Variants in LHFPL3 observed in about 807,000 individuals in gnomAD.
The protein encoded by LHFPL3 is LHFPL tetraspan subfamily member 3.
In LHFPL3, 5 loss-of-function variants were observed where a neutral mutation model predicts 19.3. The observed-to-expected ratio is 0.26, with a 90% CI of 0.14 to 0.54. The LOEUF (loss-of-function observed/expected upper bound fraction) is 0.54. Among genes scored for constraint, LHFPL3 ranks in the 20% least tolerant of loss-of-function variants. The pLI, the probability that LHFPL3 is intolerant of heterozygous loss-of-function variation, is 0.94. For synonymous variants in LHFPL3, 133 were observed against 126.2 expected (o/e 1.05, Z -0.36); for missense variants, 249 against 307.4 (o/e 0.81, Z 1.42).
chr7:104,681,481 G>A (rs1427376718), intron 1 of LHFPL3, among the ~76,000 whole-genome samples: 3 of 152,088 alleles, frequency 2.0e-5, no homozygotes, highest in Middle Eastern at 3.2e-3. Context: ...AATTAGCCGG[G>A]TGTGGTGGTG....
intron 2 of LHFPL3, among the ~76,000 whole-genome samples, chr7:104,894,133 C>T (rs1792307460): frequency 6.6e-6 from 1 of 152,108 alleles, no homozygotes; most frequent in Non-Finnish European, 1.5e-5. Context: ...CAGAGCCGGA[C>T]CTAATCTGCC....
intron 1 of LHFPL3, among the ~76,000 whole-genome samples, chr7:104,338,098 T>TC (rs1278832365): frequency 1.5e-5 from 2 of 132,590 alleles, no homozygotes; most frequent in Admixed American, 7.5e-5. Context: ...TTTTTCTTTT[T>TC]TTTTTTTTTT....
intron 1 of LHFPL3, among the ~76,000 whole-genome samples, chr7:104,658,990 G>A (rs530990901): frequency 6.6e-6 from 1 of 152,194 alleles, no homozygotes; most frequent in Non-Finnish European, 1.5e-5. Flanking sequence ...CTCAAGATTG[G>A]CATGTGAAGT....
intron 1 of LHFPL3, among the ~76,000 whole-genome samples, chr7:104,482,001 A>T (rs988541268): frequency 2.6e-5 from 4 of 152,046 alleles, no homozygotes; most frequent in African/African-American, 7.2e-5. Context: ...TCTCAGTTAT[A>T]CTTTTCCCTG....
intron 1 of LHFPL3, among the ~76,000 whole-genome samples, chr7:104,523,173 A>G (rs1307835961): frequency 6.6e-6 from 1 of 152,146 alleles, no homozygotes; most frequent in Non-Finnish European, 1.5e-5. Context: ...GTCCTGGTTA[A>G]TAGCATCTTT....
intron 1 of LHFPL3, among the ~76,000 whole-genome samples, chr7:104,598,183 T>A (rs1790899939): frequency 6.6e-6 from 1 of 152,176 alleles, no homozygotes; most frequent in African/African-American, 2.4e-5. Context: ...TGTGCCTTAA[T>A]TGAAAGGGAC....
chr7:104,336,538 G>A (rs1789813649), intron 1 of LHFPL3, among the ~76,000 whole-genome samples: 1 of 151,874 alleles, frequency 6.6e-6, no homozygotes, highest in Admixed American at 6.6e-5. Flanking sequence ...GGCTTGCAAG[G>A]GGAAGATAAA....
chr7:104,575,187 C>T (rs748962648), intron 1 of LHFPL3, among the ~76,000 whole-genome samples: 10 of 152,128 alleles, frequency 6.6e-5, no homozygotes, highest in Non-Finnish European at 1.5e-4. Flanking sequence ...GAGGGAATCC[C>T]ATTTTCTCCA....
rs75494079 is a variant in LHFPL3 at position 104,681,091 on chromosome 7, T to C, written c.446-55584T>C. ...TACTATTTTACTTATTAAGCACTTATTAAGTATAAGGGATTGTGCTACGTG... is the reference window on the plus strand; with the variant it reads ...TACTATTTTACTTATTAAGCACTTACTAAGTATAAGGGATTGTGCTACGTG... On this transcript the variant is annotated intron_variant, in intron 1 of 2. Coordinates refer to ENST00000424859, the MANE Select transcript of LHFPL3 (RefSeq NM_199000.3). 6.1e-4 allele frequency among the ~76,000 whole-genome samples: 93 copies of C among 152,294 alleles called. 2 individuals are homozygous for C. In the East Asian group the frequency reaches 0.011, roughly 19 times the overall value.
chr7:104,783,713 A>G (rs1332374520), intron 2 of LHFPL3, among the ~76,000 whole-genome samples: 1 of 152,206 alleles, frequency 6.6e-6, no homozygotes, highest in Non-Finnish European at 1.5e-5. Context: ...ATCCCTGAAA[A>G]TAAACTACCT....
intron 2 of LHFPL3, among the ~76,000 whole-genome samples, chr7:104,823,797 A>T (rs1790724469): frequency 6.6e-6 from 1 of 152,122 alleles, no homozygotes; most frequent in Admixed American, 6.6e-5. Context: ...TGATATGGCC[A>T]CTAAGCTGGA....
At chr7:104,853,198 G>T (rs1791443853) in intron 2 of LHFPL3, among the ~76,000 whole-genome samples, 1 of 152,188 alleles carries the variant, frequency 6.6e-6, no homozygotes, top group Non-Finnish European at 1.5e-5. Flanking sequence ...GAATACCCTT[G>T]GGGTCATTTG....
At chr7:104,416,901 G>A (rs567643405) in intron 1 of LHFPL3, among the ~76,000 whole-genome samples, 5 of 152,318 alleles carry the variant, frequency 3.3e-5, no homozygotes, top group African/African-American at 1.2e-4. Context: ...AGAAAGGCAA[G>A]AAAGGGGAAG....
At chr7:104,603,593 T>A (rs985284939) in intron 1 of LHFPL3, among the ~76,000 whole-genome samples, 1 of 152,200 alleles carries the variant, frequency 6.6e-6, no homozygotes, top group African/African-American at 2.4e-5. Flanking sequence ...AAGGCATGAT[T>A]CATCCTGAGG....
intron 1 of LHFPL3, among the ~76,000 whole-genome samples, chr7:104,470,716 G>A (rs1029357155): frequency 9.2e-5 from 14 of 152,256 alleles, no homozygotes; most frequent in African/African-American, 3.4e-4. Flanking sequence ...TCTGAACCCA[G>A]GAAGACTGGC....
chr7:104,785,791 G>C (rs1789900725), intron 2 of LHFPL3: 1 of 152,202 alleles, frequency 6.6e-6, no homozygotes, highest in African/African-American at 2.4e-5. Context: ...TCTTTCTGAA[G>C]GGAAAATTTC....
At chr7:104,514,935 A>G (rs1793891722) in intron 1 of LHFPL3, among the ~76,000 whole-genome samples, 1 of 152,164 alleles carries the variant, frequency 6.6e-6, no homozygotes, top group Non-Finnish European at 1.5e-5. Flanking sequence ...CTTTTCTGTT[A>G]GAATAATCTG....
chr7:104,559,495 G>A (rs1315815474), intron 1 of LHFPL3, among the ~76,000 whole-genome samples: 14 of 149,936 alleles, frequency 9.3e-5, no homozygotes, highest in Non-Finnish European at 1.8e-4. Flanking sequence ...TGTTGTTGGT[G>A]TATAAGAATG....
At chr7:104,724,529 G>C (rs968765887) in intron 1 of LHFPL3, among the ~76,000 whole-genome samples, 3 of 152,074 alleles carry the variant, frequency 2.0e-5, no homozygotes, top group Non-Finnish European at 4.4e-5. Flanking sequence ...AAGGGATAAA[G>C]TCTTTCACTT....
Sources: gnomAD v4.1 joint callset for allele counts (sites outside exome capture counted in the v4.1 genomes callset) on GRCh38, gnomAD v4.1.1 for gene constraint, MANE v1.5 for transcripts, NCBI Gene and HGNC (gene_info 2026-07-23, HGNC 2026-07-21) for gene names.